Variants in ZNF285 observed in about 807,000 individuals in gnomAD.
ZNF285 encodes the protein zinc finger protein 285A.
A neutral mutation model predicts 6.2 loss-of-function variants in ZNF285; 4 were observed. That is an observed-to-expected ratio of 0.65 (90% confidence interval 0.32 to 1.49). The LOEUF (loss-of-function observed/expected upper bound fraction) is 1.49, where lower values mean the gene tolerates loss of function less well. Among genes scored for constraint, ZNF285 ranks in the 40% most tolerant of loss-of-function variants. ZNF285 has a pLI of 0.07. For synonymous variants in ZNF285, 240 were observed against 245.8 expected (o/e 0.98, Z 0.22); for missense variants, 695 against 708.8 (o/e 0.98, Z 0.22).
intron 3 of ZNF285, among the ~76,000 whole-genome samples, chr19:44,390,488 T>A (rs1971175130): frequency 6.6e-6 from 1 of 152,200 alleles, no homozygotes; most frequent in African/African-American, 2.4e-5. Flanking sequence ...TGCCTGTACC[T>A]GCACTGTATC....
intron 3 of ZNF285, 24 bp downstream of exon 3, chr19:44,392,316 G>A (rs1353993396): frequency 1.2e-6 from 2 of 1,613,688 alleles, no homozygotes. Flanking sequence ...AACAGGTCCA[G>A]TGGTCTCATG....
rs968852808 is a variant in ZNF285, at chr19:44,382,603, C to T, written c.*3869G>A. On this transcript the variant is annotated 3_prime_UTR_variant, in exon 4 of 4. Coordinates refer to ENST00000614994, the MANE Select transcript of ZNF285 (RefSeq NM_152354.6). ...AAGTTTTATAGGGAAAACATGTAAGCTAAGGGTCTGGAAGAGAAGGCACAG... is the reference window on the plus strand; with the variant it reads ...AAGTTTTATAGGGAAAACATGTAAGTTAAGGGTCTGGAAGAGAAGGCACAG... 2.0e-5 allele frequency: 3 copies of T among 151,700 alleles called. No individual in the cohort carries two copies. The highest frequency in any genetic ancestry group is 1.9e-4 in the East Asian group (1 of 5,192). 9.4% of individuals were successfully genotyped at this position (151,700 alleles called of 1,614,324 possible).
chr19:44,387,486 A>G lies in ZNF285; in HGVS notation c.759T>C (p.Thr253=). 2 of 1,614,032 alleles carry G rather than the reference A, an allele frequency of 1.2e-6. No homozygotes were observed. Among genetic ancestry groups the G allele is most frequent in the South Asian group, 2.2e-5 (2 of 91,076 alleles). The change falls in exon 4 of 4, where the codon ACT becomes ACC. Residue 253 remains threonine, a synonymous_variant. Coordinates refer to ENST00000614994, the MANE Select transcript of ZNF285 (RefSeq NM_152354.6). ...ATTTATAAGATTTTTCTCCTAGGTG[A>G]GTGCTGTGATGGACATGAGGATCTG... ...DDTDPHVHHS[T]HLGEKSYKCD...
At chr19:44,400,126 G>A (rs1398826954) in intron 1 of ZNF285, among the ~76,000 whole-genome samples, 3 of 150,216 alleles carry the variant, frequency 2.0e-5, no homozygotes, top group African/African-American at 7.5e-5. Context: ...TGGAAAAGGT[G>A]GGGAGCCAAA....
rs1408030278 is a variant in ZNF285 at position 44,395,446 on chromosome 19, CATT to C, written c.15+1750_15+1752del. ...GGGCAGATTTCTCTAGATTAAAAGA[CATT>C]ATGAGATACAACAACTAACTGTATG... On this transcript the variant is annotated intron_variant, in intron 2 of 3. Transcript: ENST00000614994. Among the ~76,000 whole-genome samples the C allele has an allele frequency of 2.0e-5, 3 of 152,102 alleles. No homozygotes were observed. In the East Asian group the frequency reaches 5.8e-4, roughly 29 times the overall value.
Position 44,382,997 on chromosome 19 carries a change from G to A in ZNF285, c.*3475C>T, listed in dbSNP as rs1971024910. ...AAAGGGAACTCCCAGAATTACCTTTGGACAATTCTGGTCATTGCACACAAT... is the reference window on the plus strand; with the variant it reads ...AAAGGGAACTCCCAGAATTACCTTTAGACAATTCTGGTCATTGCACACAAT... On this transcript the variant is annotated 3_prime_UTR_variant, in exon 4 of 4. Transcript: ENST00000614994. 1 of 152,064 alleles carries A rather than the reference G, an allele frequency of 6.6e-6. No homozygotes were observed. Among genetic ancestry groups the A allele is most frequent in the South Asian group, 2.1e-4 (1 of 4,822 alleles). The allele number at this position is 152,064 out of a possible 1,614,324, so 9.4% of individuals were successfully genotyped here. A position where few individuals can be genotyped will look rare whatever the true frequency, so the allele number is the denominator to read the frequency against.
intron 1 of ZNF285, among the ~76,000 whole-genome samples, chr19:44,399,328 C>G (rs1971336547): frequency 7.2e-6 from 1 of 138,940 alleles, no homozygotes; most frequent in Non-Finnish European, 1.5e-5. Flanking sequence ...CATCGTTTTA[C>G]AATAGTTAAA....
chr19:44,392,690 T>C (rs1971217990), intron 2 of ZNF285: 1 of 809,054 alleles, frequency 1.2e-6, no homozygotes, highest in Non-Finnish European at 2.0e-6. Context: ...ACTGTGTCCT[T>C]ACATGGCAGA....
In ZNF285 at chr19:44,382,944, C is replaced by A. The variant is rs189785359; in HGVS notation, c.*3528G>T. 1 of 152,082 alleles carries A rather than the reference C, an allele frequency of 6.6e-6. No individual in the cohort carries two copies. Among genetic ancestry groups the A allele is most frequent in the African/African-American group, 2.4e-5 (1 of 41,386 alleles). 9.4% of individuals were successfully genotyped at this position (152,082 alleles called of 1,614,324 possible). On this transcript the variant is annotated 3_prime_UTR_variant, in exon 4 of 4. Coordinates refer to ENST00000614994, the MANE Select transcript of ZNF285 (RefSeq NM_152354.6). ...ACTGAAGAATGTGGGAGTCTGAGGC[C>A]CCAGATAGCTCCTCACCTAGGCATC...
At position 44,387,250 on chromosome 19, in the gene ZNF285, T is replaced by C. The variant is rs768446748; in HGVS notation, c.995A>G (p.His332Arg). 5 of 1,614,162 alleles carry C rather than the reference T, an allele frequency of 3.1e-6. No individual in the cohort carries two copies. Among genetic ancestry groups the C allele is most frequent in the South Asian group, 1.1e-5 (1 of 91,078 alleles). ...GKGFRRSSSL[H>R]NHHRVHTGEM... ...CCCTGTGTGGACTCGATGATGGTTG[T>C]GAAGGGAAGAGCTGCGCCTGAAGCC... The change falls in exon 4 of 4, where the codon CAC (histidine) becomes CGC (arginine). Residue 332 changes from histidine (H) to arginine (R), a missense_variant. Physicochemically the swap from His to Arg is conservative, Grantham distance 29 (BLOSUM62 0). Transcript: ENST00000614994.
intron 1 of ZNF285, 47 bp downstream of exon 1, chr19:44,401,521 A>G (rs893949959): frequency 6.6e-6 from 1 of 151,970 alleles, no homozygotes; most frequent in Non-Finnish European, 1.5e-5. Context: ...CTACACTCCT[A>G]CTCCTGGCTA....
Position 44,387,988 on chromosome 19 carries a change from A to C in ZNF285, c.257T>G (p.Val86Gly), listed in dbSNP as rs768729115. Residue 86 changes from valine to glycine, a missense_variant, in exon 4 of 4, where the codon GTG (valine) becomes GGG (glycine). Val to Gly is a moderately radical substitution (Grantham distance 109, BLOSUM62 -3). Transcript: ENST00000614994. Reference protein sequence around the residue: ...IWKQRIRDLTVSQDYIVNLQE... With the variant: ...IWKQRIRDLTGSQDYIVNLQE... ...AAGGTTCACGATATAATCCTGACTC[A>C]CAGTTAAATCCCGGATCCTTTGTTT... 1.1e-5 allele frequency: 18 copies of C among 1,614,042 alleles called. No individual in the cohort carries two copies. The Admixed American group carries it at 1.8e-4, about 16-fold the overall frequency.
chr19:44,387,842 T>G lies in ZNF285; in HGVS notation c.403A>C (p.Ile135Leu). The G allele has an allele frequency of 6.2e-7, 1 of 1,613,992 alleles. No individual in the cohort carries two copies. Among genetic ancestry groups the G allele is most frequent in the Non-Finnish European group, 8.5e-7 (1 of 1,179,860 alleles). The change falls in exon 4 of 4, where the codon ATC becomes CTC. Residue 135 changes from isoleucine to leucine, a missense_variant. Transcript: ENST00000614994. ...VVNAIIKNQD[I>L]TAWQSLTQVL... ...TGTGTCAGGCTTTGCCATGCTGTGA[T>G]ATCTTGATTTTTGATAATGGCATTT...
At chr19:44,398,542 C>T (rs1032343920) in intron 1 of ZNF285, among the ~76,000 whole-genome samples, 16 of 152,186 alleles carry the variant, frequency 1.1e-4, no homozygotes, top group South Asian at 4.1e-4. Context: ...CAGGTTTTAG[C>T]AACTGCCTCC....
At chr19:44,392,727 G>A in intron 2 of ZNF285, 1 of 628,516 alleles carries the variant, frequency 1.6e-6, no homozygotes, top group South Asian at 1.6e-5. Context: ...GCTCTGTTGA[G>A]GCTCTCATAA....
In ZNF285 at chr19:44,382,358, G is replaced by A. The variant is rs2123249336; in HGVS notation, c.*4114C>T. Reference sequence around the variant, plus strand: ...CTGTCGCCTGGGCTGGAGTGCAGTGGTGCGATCTTGGCTCATTGCAACCTC... The same window carrying A: ...CTGTCGCCTGGGCTGGAGTGCAGTGATGCGATCTTGGCTCATTGCAACCTC... On this transcript the variant is annotated 3_prime_UTR_variant, in exon 4 of 4. Coordinates refer to ENST00000614994, the MANE Select transcript of ZNF285 (RefSeq NM_152354.6). 1 of 148,150 alleles carries A rather than the reference G, an allele frequency of 6.7e-6. No individual in the cohort carries two copies. The highest frequency in any genetic ancestry group is 3.6e-3 in the Middle Eastern group (1 of 278). 9.2% of individuals were successfully genotyped at this position (148,150 alleles called of 1,614,324 possible). A position where few individuals can be genotyped will look rare whatever the true frequency, so the allele number is the denominator to read the frequency against.
At chr19:44,391,282 C>T (rs943743486) in intron 3 of ZNF285, among the ~76,000 whole-genome samples, 2 of 151,960 alleles carry the variant, frequency 1.3e-5, no homozygotes, top group East Asian at 1.9e-4. Context: ...GTCCAGTACA[C>T]GTCTATCTTT....
At position 44,384,702 on chromosome 19, in the gene ZNF285, T is replaced by C. The variant is rs1404494326; in HGVS notation, c.*1770A>G. ...GTTTTTGAAGGAAAAAAAAAACACC[T>C]TGTGGGATGAGTGCAGTGGCCCAAA... On this transcript the variant is annotated 3_prime_UTR_variant, in exon 4 of 4. Coordinates refer to ENST00000614994, the MANE Select transcript of ZNF285 (RefSeq NM_152354.6). 1 of 151,902 alleles carries C rather than the reference T, an allele frequency of 6.6e-6. No individual in the cohort carries two copies. Among genetic ancestry groups the C allele is most frequent in the African/African-American group, 2.4e-5 (1 of 41,376 alleles). 9.4% of individuals were successfully genotyped at this position (151,902 alleles called of 1,614,324 possible). A position where few individuals can be genotyped will look rare whatever the true frequency, so the allele number is the denominator to read the frequency against.
chr19:44,391,461 C>T (rs1180563710), intron 3 of ZNF285, among the ~76,000 whole-genome samples: 1 of 152,052 alleles, frequency 6.6e-6, no homozygotes, highest in Non-Finnish European at 1.5e-5. Flanking sequence ...GTTTAATTGA[C>T]TCATAGTTCC....
Sources: gnomAD v4.1 joint callset for allele counts (sites outside exome capture counted in the v4.1 genomes callset) on GRCh38, gnomAD v4.1.1 for gene constraint, MANE v1.5 for transcripts, NCBI Gene and HGNC (gene_info 2026-07-23, HGNC 2026-07-21) for gene names.